The following ST6GALNAC3 variants were observed in gnomAD, a reference collection of about 807,000 sequenced individuals.
ST6GALNAC3 encodes the protein alpha-N-acetylgalactosaminide alpha-2,6-sialyltransferase 3.
ST6GALNAC3 carries 25 observed loss-of-function variants against 32.7 expected under a neutral mutation model. The ratio of observed to expected loss-of-function variants is 0.76; its 90% CI spans 0.56 to 1.07. The LOEUF is 1.07. Ranked by LOEUF, ST6GALNAC3 falls within the 50% of genes least tolerant of loss-of-function variation. The pLI, the probability that ST6GALNAC3 is intolerant of heterozygous loss-of-function variation, is 0.00. For synonymous variants in ST6GALNAC3, 129 were observed against 133.1 expected (o/e 0.97, Z 0.21); for missense variants, 355 against 382.4 (o/e 0.93, Z 0.60).
intron 2 of ST6GALNAC3, among the ~76,000 whole-genome samples, chr1:76,356,424 A>G (rs1010085157): frequency 1.7e-4 from 21 of 124,704 alleles, no homozygotes; most frequent in African/African-American, 6.3e-4. Flanking sequence ...ATAGCAATGA[A>G]CAGTAGGGTT....
chr1:76,430,380 T>C (rs944492157), intron 3 of ST6GALNAC3, among the ~76,000 whole-genome samples: 9 of 152,164 alleles, frequency 5.9e-5, no homozygotes, highest in African/African-American at 9.7e-5. Flanking sequence ...AAGAATTTTG[T>C]CCAGCAATTT....
At chr1:76,423,457 C>T (rs143707419) in intron 3 of ST6GALNAC3, among the ~76,000 whole-genome samples, 14 of 151,968 alleles carry the variant, frequency 9.2e-5, no homozygotes, top group African/African-American at 3.4e-4. Context: ...ATGAGGGAAG[C>T]ATACAATTTA....
At chr1:76,542,895 A>T (rs2100300028) in intron 3 of ST6GALNAC3, among the ~76,000 whole-genome samples, 1 of 152,226 alleles carries the variant, frequency 6.6e-6, no homozygotes, top group East Asian at 1.9e-4. Flanking sequence ...GCTACCTAAC[A>T]GGTAATGTCA....
At chr1:76,416,628 T>TG (rs144135758) in intron 3 of ST6GALNAC3, among the ~76,000 whole-genome samples, 3 of 28,162 alleles carry the variant, frequency 1.1e-4, no homozygotes, top group Non-Finnish European at 1.6e-4. Context: ...GTGGGTTTTG[T>TG]TTTTTTTTTT....
At chr1:76,483,767 C>T (rs1308282790) in intron 3 of ST6GALNAC3, among the ~76,000 whole-genome samples, 1 of 152,020 alleles carries the variant, frequency 6.6e-6, no homozygotes, top group African/African-American at 2.4e-5. Context: ...TGCCATTGCT[C>T]TTTGTGTTTT....
chr1:76,552,066 A>G (rs2100367577), intron 3 of ST6GALNAC3, among the ~76,000 whole-genome samples: 1 of 152,334 alleles, frequency 6.6e-6, no homozygotes, highest in South Asian at 2.1e-4. Flanking sequence ...ACCCTAGGGC[A>G]AGATGCAGTG....
At chr1:76,093,507 A>G (rs2100754867) in intron 1 of ST6GALNAC3, among the ~76,000 whole-genome samples, 1 of 152,380 alleles carries the variant, frequency 6.6e-6, no homozygotes, top group East Asian at 1.9e-4. Flanking sequence ...AGAGAAGTTC[A>G]GAGGCCAGTA....
chr1:76,103,563 A>G (rs1310443151), intron 1 of ST6GALNAC3, among the ~76,000 whole-genome samples: 1 of 152,130 alleles, frequency 6.6e-6, no homozygotes, highest in African/African-American at 2.4e-5. Context: ...TGAGTTCCAT[A>G]GGATGGCGTA....
At chr1:76,610,762 T>A (rs965588597) in intron 3 of ST6GALNAC3, among the ~76,000 whole-genome samples, 1 of 152,174 alleles carries the variant, frequency 6.6e-6, no homozygotes, top group African/African-American at 2.4e-5. Context: ...TTCAGAGAGA[T>A]GCAATATTAT....
chr1:76,191,874 A>G (rs116519016), intron 1 of ST6GALNAC3, among the ~76,000 whole-genome samples: 16 of 152,228 alleles, frequency 1.1e-4, no homozygotes, highest in African/African-American at 3.6e-4. Flanking sequence ...GAGAGTAGTA[A>G]AAAATGGTGA....
chr1:76,183,870 ATATG>A (rs987916689), intron 1 of ST6GALNAC3, among the ~76,000 whole-genome samples: 2 of 146,622 alleles, frequency 1.4e-5, no homozygotes, highest in Non-Finnish European at 3.0e-5. Flanking sequence ...ATATATATAT[ATATG>A]TATGTTACTG....
At chr1:76,564,953 T>C (rs1318236383) in intron 3 of ST6GALNAC3, among the ~76,000 whole-genome samples, 1 of 152,150 alleles carries the variant, frequency 6.6e-6, no homozygotes, top group East Asian at 1.9e-4. Flanking sequence ...ACTTGTTAGT[T>C]CTGTTTCTTA....
intron 3 of ST6GALNAC3, among the ~76,000 whole-genome samples, chr1:76,493,880 C>T (rs1416027280): frequency 2.6e-5 from 4 of 152,072 alleles, no homozygotes; most frequent in African/African-American, 9.7e-5. Flanking sequence ...GTGTGTAGGG[C>T]CATTTCCTCA....
At chr1:76,536,141 C>A (rs1663582571) in intron 3 of ST6GALNAC3, among the ~76,000 whole-genome samples, 1 of 152,148 alleles carries the variant, frequency 6.6e-6, no homozygotes, top group Admixed American at 6.5e-5. Flanking sequence ...AGGATTACAA[C>A]TTCTACTCAA....
Position 76,287,256 on chromosome 1 carries a change from CTGTT to C in ST6GALNAC3, c.19-26545_19-26542del, listed in dbSNP as rs1184546796. On this transcript the variant is annotated intron_variant, in intron 1 of 4. Transcript: ENST00000328299. The stretch of plus-strand genomic sequence containing the variant: ...TTGCACAAATGATTATAGAGTGTGT[CTGTT>C]TGTGAACTTGGTCATAATTGCTGCC... 2.8e-4 allele frequency among the ~76,000 whole-genome samples: 43 copies of C among 152,218 alleles called. 1 individual carries two copies. Among genetic ancestry groups the C allele is most frequent in the Admixed American group, 2.8e-3 (43 of 15,292 alleles).
chr1:76,364,111 C>A (rs1650179712), intron 2 of ST6GALNAC3, among the ~76,000 whole-genome samples: 1 of 152,062 alleles, frequency 6.6e-6, no homozygotes, highest in African/African-American at 2.4e-5. Flanking sequence ...AAAGTCAGTA[C>A]AAGGAACGTA....
chr1:76,274,341 T>A (rs1659020177), intron 1 of ST6GALNAC3, among the ~76,000 whole-genome samples: 1 of 152,204 alleles, frequency 6.6e-6, no homozygotes. Flanking sequence ...TGACGGGATG[T>A]TAGAGAACCC....
chr1:76,155,940 G>A (rs372008461), intron 1 of ST6GALNAC3, among the ~76,000 whole-genome samples: 6 of 151,864 alleles, frequency 4.0e-5, no homozygotes, highest in Non-Finnish European at 8.8e-5. Context: ...TTTCTGCTCC[G>A]GGAGCCTACC....
chr1:76,598,632 C>T (rs1647174442), intron 3 of ST6GALNAC3, among the ~76,000 whole-genome samples: 1 of 152,068 alleles, frequency 6.6e-6, no homozygotes, highest in African/African-American at 2.4e-5. Flanking sequence ...CCTTCCAAGC[C>T]TCCACTAATC....
Sources: gnomAD v4.1 joint callset for allele counts (sites outside exome capture counted in the v4.1 genomes callset) on GRCh38, gnomAD v4.1.1 for gene constraint, MANE v1.5 for transcripts, NCBI Gene and HGNC (gene_info 2026-07-23, HGNC 2026-07-21) for gene names.